Variants in MCC observed in about 807,000 individuals in gnomAD.
MCC encodes MCC regulator of Wnt signaling pathway.
MCC carries 90 observed loss-of-function variants against 116.2 expected under a neutral mutation model. That is an observed-to-expected ratio of 0.77 (90% CI 0.65 to 0.92). The LOEUF is 0.92. MCC is among the 40% of genes least tolerant of loss of function. The pLI is 0.00. For synonymous variants in MCC, 578 were observed against 510.5 expected (o/e 1.13, Z -1.78); for missense variants, 1,516 against 1,312.2 (o/e 1.16, Z -2.40).
intron 17 of MCC, among the ~76,000 whole-genome samples, chr5:113,042,087 G>A (rs1409924209): frequency 6.6e-6 from 1 of 152,056 alleles, no homozygotes; most frequent in Admixed American, 6.5e-5. Context: ...AATATTTAAA[G>A]AAAGCAAACA....
chr5:113,060,763 G>A (rs1289219187), intron 14 of MCC, among the ~76,000 whole-genome samples: 1 of 152,178 alleles, frequency 6.6e-6, no homozygotes, highest in Non-Finnish European at 1.5e-5. Flanking sequence ...TGAGCAGGAG[G>A]ACTGATCATA....
chr5:113,278,492 G>A (rs1207476547), intron 3 of MCC, among the ~76,000 whole-genome samples: 1 of 152,190 alleles, frequency 6.6e-6, no homozygotes, highest in Non-Finnish European at 1.5e-5. Flanking sequence ...AGAGGAGATG[G>A]AACCTAGACC....
At chr5:113,228,229 G>A (rs1173626234) in intron 3 of MCC, among the ~76,000 whole-genome samples, 1 of 152,200 alleles carries the variant, frequency 6.6e-6, no homozygotes, top group Non-Finnish European at 1.5e-5. Flanking sequence ...GGTTTCTAAT[G>A]TAATGGTGTT....
chr5:113,325,965 A>G (rs996568247), intron 3 of MCC, among the ~76,000 whole-genome samples: 12 of 152,232 alleles, frequency 7.9e-5, no homozygotes, highest in Non-Finnish European at 1.8e-4. Flanking sequence ...AAGTAATCTG[A>G]GATGCCAGTG....
chr5:113,483,450 G>A (rs1772431119), intron 1 of MCC, among the ~76,000 whole-genome samples: 1 of 152,122 alleles, frequency 6.6e-6, no homozygotes, highest in Admixed American at 6.5e-5. Flanking sequence ...ATAGAGGAAT[G>A]GCATGATGCA....
At chr5:113,167,763 A>T (rs1317258370) in intron 3 of MCC, among the ~76,000 whole-genome samples, 1 of 152,056 alleles carries the variant, frequency 6.6e-6, no homozygotes, top group Non-Finnish European at 1.5e-5. Flanking sequence ...CCCAAGTAGC[A>T]GGGACTACAG....
chr5:113,145,787 CACACACACACACACACACA>C (rs1759479308), intron 4 of MCC, among the ~76,000 whole-genome samples: 1 of 56,288 alleles, frequency 1.8e-5, no homozygotes, highest in Non-Finnish European at 3.7e-5. Context: ...CACACACAAA[CACACACACACACACACACA>C]AAAGACCCTG....
At chr5:113,412,655 C>T (rs1318767105) in intron 1 of MCC, among the ~76,000 whole-genome samples, 1 of 152,174 alleles carries the variant, frequency 6.6e-6, no homozygotes, top group Non-Finnish European at 1.5e-5. Flanking sequence ...TGCTTATCAG[C>T]TAAAGGAGAT....
chr5:113,432,320 C>CAAAAAAAAAAAAAAAA (rs66577040), intron 1 of MCC, among the ~76,000 whole-genome samples: 10 of 68,608 alleles, frequency 1.5e-4, no homozygotes, highest in East Asian at 5.0e-4. Flanking sequence ...GACTCTGTCT[C>CAAAAAAAAAAAAAAAA]AAAAAAAAAA....
chr5:113,115,626 C>G (rs1757350285), intron 6 of MCC, among the ~76,000 whole-genome samples: 1 of 152,088 alleles, frequency 6.6e-6, no homozygotes. Flanking sequence ...TACGCACCCC[C>G]ACATAACTCC....
chr5:113,143,325 A>T lies in MCC; in HGVS notation c.777T>A (p.Asp259Glu), dbSNP rs532180131. The T allele has an allele frequency of 6.2e-7, 1 of 1,613,856 alleles. No homozygotes were observed. The highest frequency in any genetic ancestry group is 2.2e-5 in the East Asian group (1 of 44,872). ...EQSHLMREHE[D>E]VQERTTLRYE... ...AGCGAAGTGTCGTTCGCTCCTGGAC[A>T]TCCTCATGCTCTCTCATGAGGTGGG... The change falls in exon 5 of 19, where the codon GAT becomes GAA. Residue 259 changes from aspartate to glutamate, a missense_variant. Physicochemically the swap from Asp to Glu is conservative, Grantham distance 45 (BLOSUM62 2). Transcript: ENST00000408903.
intron 6 of MCC, among the ~76,000 whole-genome samples, chr5:113,107,202 GTTTTTCTTTTTTT>G (rs367546788): frequency 0.077 from 10,146 of 132,428 alleles, 789 homozygotes; most frequent in African/African-American, 0.22. Context: ...ATAGTAGCAT[GTTTTTCTTTTTTT>G]TTTTTCTTTT....
intron 15 of MCC, among the ~76,000 whole-genome samples, chr5:113,051,606 T>C (rs1260146396): frequency 6.6e-6 from 1 of 152,016 alleles, no homozygotes; most frequent in African/African-American, 2.4e-5. Context: ...ATTCCTGTAG[T>C]CCCGGCTACT....
chr5:113,368,487 C>T (rs914658600), intron 2 of MCC, among the ~76,000 whole-genome samples: 2 of 152,198 alleles, frequency 1.3e-5, no homozygotes, highest in African/African-American at 2.4e-5. Context: ...AGCACTCTAA[C>T]TTTCTTACCT....
chr5:113,351,328 A>G (rs1358326798), intron 2 of MCC, among the ~76,000 whole-genome samples: 5 of 152,198 alleles, frequency 3.3e-5, no homozygotes, highest in Non-Finnish European at 7.4e-5. Context: ...AACATGGTAC[A>G]TAAATACAAT....
chr5:113,247,878 A>G (rs988106096), intron 3 of MCC, among the ~76,000 whole-genome samples: 7 of 152,184 alleles, frequency 4.6e-5, no homozygotes, highest in African/African-American at 1.7e-4. Flanking sequence ...TATATCCAAC[A>G]GCCATTTACA....
chr5:113,340,022 T>C (rs1466845222), intron 3 of MCC, among the ~76,000 whole-genome samples: 1 of 152,236 alleles, frequency 6.6e-6, no homozygotes. Context: ...GTGACTCACC[T>C]TGAAGGAAAA....
At chr5:113,413,398 T>A (rs1247873613) in intron 1 of MCC, among the ~76,000 whole-genome samples, 1 of 152,208 alleles carries the variant, frequency 6.6e-6, no homozygotes, top group Non-Finnish European at 1.5e-5. Flanking sequence ...ATCCATCTGG[T>A]CCTGGACTTT....
chr5:113,313,349 CA>C (rs1767185984), intron 3 of MCC, among the ~76,000 whole-genome samples: 1 of 151,976 alleles, frequency 6.6e-6, no homozygotes, highest in South Asian at 2.1e-4. Flanking sequence ...GTCTCAAAAA[CA>C]AAAAACAAAC....
Sources: allele counts gnomAD v4.1 joint callset (sites outside exome capture counted in the v4.1 genomes callset), GRCh38; gene constraint gnomAD v4.1.1; transcripts MANE v1.5; gene names NCBI Gene and HGNC (gene_info 2026-07-23, HGNC 2026-07-21).